ERVH48-1: variants seen among roughly 807,000 people sequenced by gnomAD.
The protein encoded by ERVH48-1 is suppressyn.
ERVH48-1 carries 4 observed loss-of-function variants against 2.4 expected under a neutral mutation model. The observed-to-expected ratio is 1.68, with a 90% confidence interval of 0.83 to 3.84. ERVH48-1 has a LOEUF of 3.84. ERVH48-1 is among the 30% of genes most tolerant of loss of function. ERVH48-1 has a pLI of 0.01. For missense variants in ERVH48-1, 97 were observed against 43.4 expected (o/e 2.23, Z -3.47); for synonymous variants, 32 against 15.5 (o/e 2.06, Z -2.49).
rs138780876 is a variant in ERVH48-1, at chr21:42,925,593, C to T, written c.-533G>A. On this transcript the variant is annotated 5_prime_UTR_variant, in exon 1 of 2. Transcript: ENST00000447535. ...AGCAACACACTGTTTTAATAAGCAC[C>T]TGGATGCAGACAGACTGAGGCCTAG... 7 of 232,472 alleles carry T rather than the reference C, an allele frequency of 3.0e-5. No individual in the cohort carries two copies. The highest frequency in any genetic ancestry group is 5.0e-5 in the Non-Finnish European group (6 of 119,132). The allele number at this position is 232,472 out of a possible 1,614,324, so 14.4% of individuals were successfully genotyped here. A position where few individuals can be genotyped will look rare whatever the true frequency, so the allele number is the denominator to read the frequency against.
chr21:42,920,666 T>C (rs1053420475), intron 1 of ERVH48-1, among the ~76,000 whole-genome samples: 1 of 152,140 alleles, frequency 6.6e-6, no homozygotes, highest in African/African-American at 2.4e-5. Context: ...TGGGTGACAC[T>C]ATAGCATAGC....
intron 1 of ERVH48-1, among the ~76,000 whole-genome samples, chr21:42,924,995 G>C (rs1490081627): frequency 6.7e-6 from 1 of 149,232 alleles, no homozygotes; most frequent in Non-Finnish European, 1.5e-5. Flanking sequence ...ACCCAGGCTA[G>C]AGTGCAGTGG....
At chr21:42,921,003 G>A (rs2058803998) in intron 1 of ERVH48-1, among the ~76,000 whole-genome samples, 1 of 152,136 alleles carries the variant, frequency 6.6e-6, no homozygotes, top group South Asian at 2.1e-4. Flanking sequence ...CTGTTAGGTT[G>A]GCATCAAGAG....
At chr21:42,924,128 A>G (rs1396659033) in intron 1 of ERVH48-1, among the ~76,000 whole-genome samples, 1 of 151,994 alleles carries the variant, frequency 6.6e-6, no homozygotes. Flanking sequence ...TTGAAGGGGG[A>G]AGGAGGGTTG....
intron 1 of ERVH48-1, among the ~76,000 whole-genome samples, chr21:42,921,165 G>C (rs774730347): frequency 5.9e-5 from 9 of 152,058 alleles, no homozygotes; most frequent in Non-Finnish European, 1.3e-4. Flanking sequence ...CACGTAGTGC[G>C]ACTCCATGCC....
chr21:42,919,597 A>C (rs566503040), intron 1 of ERVH48-1, among the ~76,000 whole-genome samples: 2 of 152,278 alleles, frequency 1.3e-5, no homozygotes, highest in East Asian at 3.9e-4. Context: ...TTAAGGACAG[A>C]GTTGACCTTT....
In ERVH48-1 at chr21:42,916,942, T is replaced by C. The variant is rs1357406178; in HGVS notation, c.*1582A>G. 6.5e-6 allele frequency: 1 copy of C among 152,676 alleles called. No homozygotes were observed. The highest frequency in any genetic ancestry group is 2.4e-5 in the African/African-American group (1 of 41,466). The allele number at this position is 152,676 out of a possible 1,614,324, so 9.5% of individuals were successfully genotyped here. ...TTGTCCCAGCCTAACGTGACTGCTA[T>C]GTAGTACCAGGGCGACCTCCCTCTT... On this transcript the variant is annotated 3_prime_UTR_variant, in exon 2 of 2. Coordinates refer to ENST00000447535, the MANE Select transcript of ERVH48-1 (RefSeq NM_001308491.2).
chr21:42,923,562 A>G (rs2058813047), intron 1 of ERVH48-1, among the ~76,000 whole-genome samples: 1 of 152,194 alleles, frequency 6.6e-6, no homozygotes, highest in Admixed American at 6.5e-5. Flanking sequence ...GGTTTTCGTC[A>G]GGACCTTGGG....
rs1436628496 is a variant in ERVH48-1, at chr21:42,917,701, G to C, written c.*823C>G. The C allele has an allele frequency of 6.6e-6, 1 of 152,206 alleles. No individual in the cohort carries two copies. The highest frequency in any genetic ancestry group is 1.5e-5 in the Non-Finnish European group (1 of 68,046). The allele number at this position is 152,206 out of a possible 1,614,324, so 9.4% of individuals were successfully genotyped here. A position where few individuals can be genotyped will look rare whatever the true frequency, so the allele number is the denominator to read the frequency against. On this transcript the variant is annotated 3_prime_UTR_variant, in exon 2 of 2. Coordinates refer to ENST00000447535, the MANE Select transcript of ERVH48-1 (RefSeq NM_001308491.2). ...TTAGTGATTATCTCTAGAACAGCTT[G>C]TAGTCTAATCGCTCTATTTGGCATA...
chr21:42,918,890 T>A lies in ERVH48-1; in HGVS notation c.117A>T (p.Ala39=), dbSNP rs1214763823. 2.1e-6 allele frequency: 1 copy of A among 474,482 alleles called. No individual in the cohort carries two copies. The highest frequency in any genetic ancestry group is 2.0e-5 in the African/African-American group (1 of 50,432). The allele number at this position is 474,482 out of a possible 1,614,324, so 29.4% of individuals were successfully genotyped here. A position where few individuals can be genotyped will look rare whatever the true frequency, so the allele number is the denominator to read the frequency against. ...AACACTCACGGCAGCTCGGAGGGGC[T>A]GCTGTGGACAGCAGGACAGCTACTG... ...ILSVAVLLST[A]APPSCRECYQ... is the part of the protein sequence containing the mutation. Residue 39 remains alanine, a synonymous_variant, in exon 2 of 2, where the codon GCA becomes GCT. Transcript: ENST00000447535.
chr21:42,920,433 C>T (rs1304803429), intron 1 of ERVH48-1, among the ~76,000 whole-genome samples: 1 of 152,116 alleles, frequency 6.6e-6, no homozygotes, highest in Non-Finnish European at 1.5e-5. Context: ...AGCCTGGCAA[C>T]CTGAAGGAGC....
chr21:42,920,469 G>T (rs745782989), intron 1 of ERVH48-1, among the ~76,000 whole-genome samples: 1 of 152,164 alleles, frequency 6.6e-6, no homozygotes, highest in Non-Finnish European at 1.5e-5. Context: ...TTCATGACAG[G>T]GGTGTTGTTT....
chr21:42,918,278 A>G lies in ERVH48-1; in HGVS notation c.*246T>C, dbSNP rs2058794693. On this transcript the variant is annotated 3_prime_UTR_variant, in exon 2 of 2. Transcript: ENST00000447535. ...GGTTTTATCAGTCCACTTGCGGGAT[A>G]TGCACACCGTCCCTCATACTGGGTT... 1 of 333,982 alleles carries G rather than the reference A, an allele frequency of 3.0e-6. No individual in the cohort carries two copies. The highest frequency in any genetic ancestry group is 4.3e-5 in the Admixed American group (1 of 23,352). The allele number at this position is 333,982 out of a possible 1,614,324, so 20.7% of individuals were successfully genotyped here. A position where few individuals can be genotyped will look rare whatever the true frequency, so the allele number is the denominator to read the frequency against.
chr21:42,920,767 GA>G (rs1429052896), intron 1 of ERVH48-1, among the ~76,000 whole-genome samples: 1 of 152,176 alleles, frequency 6.6e-6, no homozygotes, highest in Non-Finnish European at 1.5e-5. Context: ...GTTAGGTGTG[GA>G]AAAGGTAAGA....
intron 1 of ERVH48-1, among the ~76,000 whole-genome samples, chr21:42,923,309 C>A (rs2058812529): frequency 6.6e-6 from 1 of 152,244 alleles, no homozygotes. Context: ...GCATTCGAAA[C>A]TCTGCCTGTT....
In ERVH48-1 at chr21:42,925,348, G is replaced by C; in HGVS notation, c.-288C>G. On this transcript the variant is annotated splice_region_variant and 5_prime_UTR_variant, in exon 1 of 2. Coordinates refer to ENST00000447535, the MANE Select transcript of ERVH48-1 (RefSeq NM_001308491.2). Reference sequence around the variant, plus strand: ...AACCGGGCTCCCAGGAAACTTACCAGTAGGCGAGATCAGTGACCGATGTGC... The same window carrying C: ...AACCGGGCTCCCAGGAAACTTACCACTAGGCGAGATCAGTGACCGATGTGC... 2 of 440,492 alleles carry C rather than the reference G, an allele frequency of 4.5e-6. No homozygotes were observed. The highest frequency in any genetic ancestry group is 8.2e-6 in the Non-Finnish European group (2 of 243,018). 27.3% of individuals were successfully genotyped at this position (440,492 alleles called of 1,614,324 possible).
At chr21:42,922,630 CTCGG>C (rs1457390228) in intron 1 of ERVH48-1, among the ~76,000 whole-genome samples, 3 of 150,468 alleles carry the variant, frequency 2.0e-5, no homozygotes, top group Admixed American at 1.3e-4. Context: ...GTCCCAGCTA[CTCGG>C]GAGGCTGAGG....
intron 1 of ERVH48-1, among the ~76,000 whole-genome samples, chr21:42,922,700 A>T (rs1201941267): frequency 1.4e-5 from 2 of 140,130 alleles, no homozygotes; most frequent in Non-Finnish European, 3.0e-5. Context: ...AGATTGCGCC[A>T]CTGCACTCCA....
At chr21:42,923,513 T>C (rs2058812943) in intron 1 of ERVH48-1, among the ~76,000 whole-genome samples, 2 of 152,190 alleles carry the variant, frequency 1.3e-5, no homozygotes, top group Admixed American at 6.5e-5. Flanking sequence ...TGGTATATTT[T>C]CTCATGGCTT....
Sources: allele counts gnomAD v4.1 joint callset (sites outside exome capture counted in the v4.1 genomes callset), GRCh38; gene constraint gnomAD v4.1.1; transcripts MANE v1.5; gene names NCBI Gene and HGNC (gene_info 2026-07-23, HGNC 2026-07-21).